LRP1B: variants seen among roughly 807,000 people sequenced by gnomAD.
The protein encoded by LRP1B is low-density lipoprotein receptor-related protein 1B.
Under a neutral mutation model 556.6 loss-of-function variants are expected in LRP1B, and 217 were observed. That is an observed-to-expected ratio of 0.39 (90% CI 0.35 to 0.44). LRP1B has a LOEUF of 0.44. Ranked by LOEUF, LRP1B falls within the 20% of genes least tolerant of loss-of-function variation. The pLI is 1.00. For missense variants in LRP1B, 5,053 were observed against 5,620.8 expected, an observed-to-expected ratio of 0.90 and a Z score of 3.23; for synonymous variants, 2,047 against 1,865.8, an observed-to-expected ratio of 1.10 and a Z score of -2.50.
intron 17 of LRP1B, among the ~76,000 whole-genome samples, chr2:140,983,204 C>T (rs924581642): frequency 3.3e-5 from 5 of 152,096 alleles, no homozygotes; most frequent in Admixed American, 1.3e-4. Context: ...CTCTGAACTA[C>T]GAATATGTCT....
intron 2 of LRP1B, among the ~76,000 whole-genome samples, chr2:141,622,680 G>A (rs1688545247): frequency 6.6e-6 from 1 of 152,198 alleles, no homozygotes; most frequent in South Asian, 2.1e-4. Context: ...AGAGTTCATT[G>A]TCTCTGCAAA....
rs78379237 is a variant in LRP1B at position 141,823,792 on chromosome 2, T to C, written c.83-13391A>G. Among the ~76,000 whole-genome samples the C allele has an allele frequency of 9.7e-3, 1,480 of 152,274 alleles. 28 individuals carry two copies. The highest frequency in any genetic ancestry group is 0.034 in the African/African-American group (1,424 of 41,554). ...CAAGCAATCCTTCCGTGTCAGCCTC[T>C]GGAGCAGCTAGGACTACAGGTGTCC... is the stretch of plus-strand genomic sequence containing the variant. On this transcript the variant is annotated intron_variant, in intron 1 of 90. Coordinates refer to ENST00000389484, the MANE Select transcript of LRP1B (RefSeq NM_018557.3).
intron 7 of LRP1B, among the ~76,000 whole-genome samples, chr2:141,179,892 CTTTTTTT>C (rs11433781): frequency 1.6e-5 from 2 of 126,010 alleles, no homozygotes; most frequent in African/African-American, 5.7e-5. Flanking sequence ...TTGGTTTTTC[CTTTTTTT>C]TTTTTTTTTT....
At chr2:141,633,106 T>A (rs1195667775) in intron 2 of LRP1B, among the ~76,000 whole-genome samples, 1 of 152,162 alleles carries the variant, frequency 6.6e-6, no homozygotes, top group African/African-American at 2.4e-5. Context: ...TATCCCTTCT[T>A]TGATATTGCC....
At chr2:140,866,404 T>A in intron 27 of LRP1B, among the ~76,000 whole-genome samples, 1 of 152,232 alleles carries the variant, frequency 6.6e-6, no homozygotes, top group Middle Eastern at 3.4e-3. Flanking sequence ...AATGCAAAAA[T>A]GACTAATCTA....
intron 35 of LRP1B, among the ~76,000 whole-genome samples, chr2:140,719,680 C>T (rs182818478): frequency 6.6e-6 from 1 of 152,136 alleles, no homozygotes; most frequent in East Asian, 1.9e-4. Flanking sequence ...AATACTGAAG[C>T]TATCTCTAAA....
intron 6 of LRP1B, among the ~76,000 whole-genome samples, chr2:141,206,494 G>A (rs1037109366): frequency 3.9e-5 from 6 of 152,048 alleles, no homozygotes; most frequent in Admixed American, 6.5e-5. Flanking sequence ...CTGAGGCAGG[G>A]GAGAACGGCG....
At chr2:141,971,959 G>C (rs1701753350) in intron 1 of LRP1B, among the ~76,000 whole-genome samples, 1 of 151,346 alleles carries the variant, frequency 6.6e-6, no homozygotes, top group Non-Finnish European at 1.5e-5. Flanking sequence ...ATCTTCACTA[G>C]TCTCTTTTCA....
chr2:141,237,197 G>T (rs1280888425), intron 5 of LRP1B, among the ~76,000 whole-genome samples: 1 of 152,092 alleles, frequency 6.6e-6, no homozygotes, highest in Non-Finnish European at 1.5e-5. Context: ...TTTGGAAATT[G>T]TAGATGTGGG....
At chr2:141,959,222 C>G (rs1701340479) in intron 1 of LRP1B, among the ~76,000 whole-genome samples, 1 of 151,950 alleles carries the variant, frequency 6.6e-6, no homozygotes, top group Non-Finnish European at 1.5e-5. Flanking sequence ...CTAATGACCT[C>G]AAATGAGCTT....
chr2:141,339,880 C>A (rs1687992685), intron 3 of LRP1B, among the ~76,000 whole-genome samples: 1 of 151,990 alleles, frequency 6.6e-6, no homozygotes, highest in Admixed American at 6.6e-5. Context: ...CACTCATCAC[C>A]AGATCAGTGA....
intron 3 of LRP1B, among the ~76,000 whole-genome samples, chr2:141,436,726 A>G (rs1275450113): frequency 2.0e-5 from 3 of 152,174 alleles, no homozygotes; most frequent in African/African-American, 4.8e-5. Context: ...ATTTCCAATT[A>G]GATTCTTGTA....
At chr2:140,748,979 A>T (rs953176588) in intron 35 of LRP1B, among the ~76,000 whole-genome samples, 13 of 151,158 alleles carry the variant, frequency 8.6e-5, no homozygotes, top group Admixed American at 2.0e-4. Flanking sequence ...AAACTACTAC[A>T]CGCTTAGGTT....
At chr2:141,512,140 C>G (rs531166201) in intron 2 of LRP1B, among the ~76,000 whole-genome samples, 27 of 152,306 alleles carry the variant, frequency 1.8e-4, no homozygotes, top group African/African-American at 6.3e-4. Flanking sequence ...ACCCTACCCT[C>G]TCTGTGTACC....
intron 55 of LRP1B, among the ~76,000 whole-genome samples, chr2:140,501,095 C>T (rs777742679): frequency 2.2e-4 from 34 of 152,022 alleles, no homozygotes; most frequent in Non-Finnish European, 2.9e-4. Context: ...GTTTTAGAAG[C>T]TATTTCTGTC....
At chr2:141,839,206 T>G (rs1381128317) in intron 1 of LRP1B, among the ~76,000 whole-genome samples, 1 of 152,156 alleles carries the variant, frequency 6.6e-6, no homozygotes. Context: ...ACCATTTGAT[T>G]ACATGGGAGA....
At chr2:141,163,111 T>A (rs1241429173) in intron 7 of LRP1B, among the ~76,000 whole-genome samples, 3 of 152,086 alleles carry the variant, frequency 2.0e-5, no homozygotes, top group African/African-American at 7.2e-5. Context: ...TCAGTAATAC[T>A]ACTTTTCCTT....
chr2:140,746,463 T>C (rs941843746), intron 35 of LRP1B, among the ~76,000 whole-genome samples: 2 of 152,142 alleles, frequency 1.3e-5, no homozygotes, highest in Non-Finnish European at 2.9e-5. Flanking sequence ...TCCTAATTGT[T>C]TTATTTTGCT....
Position 140,233,083 on chromosome 2 carries a change from A to G in LRP1B, c.*103T>C. ...ACAATTAACCAGGAAAAAGATAAAGAAAGAGGTAATGCTGATGCCAAAACA... is the reference window on the plus strand; with the variant it reads ...ACAATTAACCAGGAAAAAGATAAAGGAAGAGGTAATGCTGATGCCAAAACA... On this transcript the variant is annotated 3_prime_UTR_variant, in exon 91 of 91. Coordinates refer to ENST00000389484, the MANE Select transcript of LRP1B (RefSeq NM_018557.3). 1.5e-6 allele frequency: 1 copy of G among 683,908 alleles called. No individual in the cohort carries two copies. The highest frequency in any genetic ancestry group is 4.1e-5 in the South Asian group (1 of 24,604). The allele number at this position is 683,908 out of a possible 1,614,324, so 42.4% of individuals were successfully genotyped here.
Sources: allele counts gnomAD v4.1 joint callset (sites outside exome capture counted in the v4.1 genomes callset), GRCh38; gene constraint gnomAD v4.1.1; transcripts MANE v1.5; gene names NCBI Gene and HGNC (gene_info 2026-07-23, HGNC 2026-07-21).